ASB18: variants seen among roughly 807,000 people sequenced by gnomAD.
The protein encoded by ASB18 is ankyrin repeat and SOCS box containing 18, also known as ankyrin repeat and SOCS box protein 18.
A neutral mutation model predicts 33.4 loss-of-function variants in ASB18; 33 were observed. The ratio of observed to expected loss-of-function variants is 0.99; its 90% CI spans 0.75 to 1.32. The LOEUF (loss-of-function observed/expected upper bound fraction) is 1.32. ASB18 is among the 40% of genes most tolerant of loss of function. The pLI is 0.00. For synonymous variants in ASB18, 295 were observed against 307.6 expected, an observed-to-expected ratio of 0.96 and a Z score of 0.43; for missense variants, 694 against 655.5, an observed-to-expected ratio of 1.06 and a Z score of -0.64.
rs1460873813 is a variant in ASB18 at position 236,203,723 on chromosome 2, TG to T, written c.1102-7339del. Among the ~76,000 whole-genome samples, 1 of 152,084 alleles carries T rather than the reference TG, an allele frequency of 6.6e-6. No homozygotes were observed. The highest frequency in any genetic ancestry group is 1.5e-5 in the Non-Finnish European group (1 of 68,022). On this transcript the variant is annotated intron_variant, in intron 4 of 5. Transcript: ENST00000409749. This position sits in a 1 kb window ranked among gnomAD's most constrained non-coding sequence, Gnocchi z 6.0. ...TCTACAAAAAATACAAAAACTTAGC[TG>T]GGTGTGATGGTGTGCATCTGTAATC...
At chr2:236,199,326 C>T (rs952551648) in intron 4 of ASB18, among the ~76,000 whole-genome samples, 2 of 150,988 alleles carry the variant, frequency 1.3e-5, no homozygotes, top group Admixed American at 1.3e-4. Flanking sequence ...GCAGGAGAAT[C>T]GCTTGAACCC....
rs367633092 is a variant in ASB18, at chr2:236,251,471, A to G, written c.206-10069T>C. ...TGTTCAGACTGATTGTTTTTTATGA[A>G]TCTCACACAGGGAGCAAAATACTTC... On this transcript the variant is annotated intron_variant, in intron 1 of 5. Coordinates refer to ENST00000409749, the MANE Select transcript of ASB18 (RefSeq NM_212556.4). The surrounding 1 kb of genome is among the most constrained non-coding windows in gnomAD (Gnocchi z 5.3). 7.4e-4 allele frequency among the ~76,000 whole-genome samples: 112 copies of G among 152,280 alleles called. 1 individual carries two copies. The highest frequency in any genetic ancestry group is 3.4e-3 in the Middle Eastern group (1 of 294).
chr2:236,220,221 C>T lies in ASB18; in HGVS notation c.597-5355G>A, dbSNP rs1012681234. On this transcript the variant is annotated intron_variant, in intron 3 of 5. Transcript: ENST00000409749. This position sits in a 1 kb window ranked among gnomAD's most constrained non-coding sequence, Gnocchi z 5.1. ...CTCCCTGCACACCCTCCCATCCACCCTCCAGCACCTTCCCAAAGCACTGGC... is the reference window on the plus strand; with the variant it reads ...CTCCCTGCACACCCTCCCATCCACCTTCCAGCACCTTCCCAAAGCACTGGC... Among the ~76,000 whole-genome samples, 3 of 152,232 alleles carry T rather than the reference C, an allele frequency of 2.0e-5. No homozygotes were observed. Among genetic ancestry groups the T allele is most frequent in the Admixed American group, 6.5e-5 (1 of 15,290 alleles).
Position 236,237,672 on chromosome 2 carries a change from T to C in ASB18, c.596+17A>G. On this transcript the variant is annotated intron_variant, in intron 3 of 5. Coordinates refer to ENST00000409749, the MANE Select transcript of ASB18 (RefSeq NM_212556.4). The surrounding 1 kb of genome is among the most constrained non-coding windows in gnomAD (Gnocchi z 6.2). ...CGGGGCGGGGCGGACGCCGCGGGCC[T>C]GTCCCGAGGTCCTTACCCGAGCGAG... The C allele has an allele frequency of 7.1e-7, 1 of 1,409,094 alleles. No individual in the cohort carries two copies. The highest frequency in any genetic ancestry group is 1.5e-5 in the South Asian group (1 of 67,388). The allele number at this position is 1,409,094 out of a possible 1,614,324, so 87.3% of individuals were successfully genotyped here. A position where few individuals can be genotyped will look rare whatever the true frequency, so the allele number is the denominator to read the frequency against.
rs1397830217 is a variant in ASB18, at chr2:236,229,147, T to G, written c.596+8542A>C. ...TTAGTAGGCAGGGCCATTAAAACAC[T>G]TGTTATAACTATATTCCACCTGTTT... On this transcript the variant is annotated intron_variant, in intron 3 of 5. Transcript: ENST00000409749. The surrounding 1 kb of genome is among the most constrained non-coding windows in gnomAD (Gnocchi z 5.2). Among the ~76,000 whole-genome samples, 1 of 152,208 alleles carries G rather than the reference T, an allele frequency of 6.6e-6. No homozygotes were observed.
intron 4 of ASB18, among the ~76,000 whole-genome samples, chr2:236,202,814 T>TATATATATATATATATATACACACAC (rs1472095135): frequency 1.0e-4 from 13 of 126,578 alleles, no homozygotes; most frequent in South Asian, 2.8e-4. Context: ...TATATATATA[T>TATATATATATATATATATACACACAC]ACACACACCT....
At position 236,208,290 on chromosome 2, in the gene ASB18, AT is replaced by A. The variant is rs2106266195; in HGVS notation, c.1101+6071del. Among the ~76,000 whole-genome samples the A allele has an allele frequency of 6.6e-6, 1 of 151,856 alleles. No homozygotes were observed. The highest frequency in any genetic ancestry group is 6.6e-5 in the Admixed American group (1 of 15,254). On this transcript the variant is annotated intron_variant, in intron 4 of 5. Transcript: ENST00000409749. The surrounding 1 kb of genome is among the most constrained non-coding windows in gnomAD (Gnocchi z 7.7). ...CTCTCTGCGCCCCACACATGTTGAT[AT>A]TTCTGGCTCACACGAGCCCCACTAA...
rs1448433409 is a variant in ASB18, at chr2:236,219,151, C to T, written c.597-4285G>A. ...TTGGCCTCTCAAAGTGTTGAGATTACAGGCATGAGCCACCGTGCCCTGCCA... is the reference window on the plus strand; with the variant it reads ...TTGGCCTCTCAAAGTGTTGAGATTATAGGCATGAGCCACCGTGCCCTGCCA... On this transcript the variant is annotated intron_variant, in intron 3 of 5. Transcript: ENST00000409749. The surrounding 1 kb of genome is among the most constrained non-coding windows in gnomAD (Gnocchi z 6.4). Among the ~76,000 whole-genome samples, 3 of 152,146 alleles carry T rather than the reference C, an allele frequency of 2.0e-5. No homozygotes were observed. Among genetic ancestry groups the T allele is most frequent in the Non-Finnish European group, 2.9e-5 (2 of 68,034 alleles).
At position 236,214,841 on chromosome 2, in the gene ASB18, C is replaced by A. The variant is rs374319025; in HGVS notation, c.622G>T (p.Gly208Trp). The stretch of plus-strand genomic sequence containing the variant: ...CCGCCCACGCGCTGCACCGAGGCCC[C>A]GTGCTCCAGCAGCGCCTGCGCGCAC... ...LGCAQALLEH[G>W]ASVQRVGGTG... The change falls in exon 4 of 6, where the codon GGG (glycine) becomes TGG (tryptophan). Residue 208 changes from glycine to tryptophan, a missense_variant. Coordinates refer to ENST00000409749, the MANE Select transcript of ASB18 (RefSeq NM_212556.4). This position sits in a 1 kb window ranked among gnomAD's most constrained non-coding sequence, Gnocchi z 6.5. 98 of 1,212,868 alleles carry A rather than the reference C, an allele frequency of 8.1e-5. No individual in the cohort carries two copies. In the African/African-American group the frequency reaches 1.1e-3, roughly 14 times the overall value. The allele number at this position is 1,212,868 out of a possible 1,614,324, so 75.1% of individuals were successfully genotyped here.
rs1263783909 is a variant in ASB18, at chr2:236,248,932, A to G, written c.206-7530T>C. ...ATCTGTTGTCCTTGTGAATCGAATG[A>G]CTGAAACAGCTATTCACTACTATGG... On this transcript the variant is annotated intron_variant, in intron 1 of 5. Transcript: ENST00000409749. This position sits in a 1 kb window ranked among gnomAD's most constrained non-coding sequence, Gnocchi z 4.9. 6.6e-6 allele frequency: 1 copy of G among 152,214 alleles called. No homozygotes were observed. Among genetic ancestry groups the G allele is most frequent in the Non-Finnish European group, 1.5e-5 (1 of 68,052 alleles). 9.4% of individuals were successfully genotyped at this position (152,214 alleles called of 1,614,324 possible).
chr2:236,207,857 C>T (rs1435207002), intron 4 of ASB18, among the ~76,000 whole-genome samples: 3 of 150,660 alleles, frequency 2.0e-5, no homozygotes, highest in Non-Finnish European at 4.4e-5. Flanking sequence ...GCCTGACAGC[C>T]TGGAAACTTA....
At position 236,217,943 on chromosome 2, in the gene ASB18, T is replaced by A. The variant is rs1307099266; in HGVS notation, c.597-3077A>T. ...GACGTTAGAAATCAAGGGTTCCTTCTCGTTTTGCCACTGAGCCTGTGTGCA... is the reference window on the plus strand; with the variant it reads ...GACGTTAGAAATCAAGGGTTCCTTCACGTTTTGCCACTGAGCCTGTGTGCA... On this transcript the variant is annotated intron_variant, in intron 3 of 5. Coordinates refer to ENST00000409749, the MANE Select transcript of ASB18 (RefSeq NM_212556.4). The surrounding 1 kb of genome is among the most constrained non-coding windows in gnomAD (Gnocchi z 5.2). Among the ~76,000 whole-genome samples the A allele has an allele frequency of 1.3e-5, 2 of 152,258 alleles. No homozygotes were observed. The highest frequency in any genetic ancestry group is 2.9e-5 in the Non-Finnish European group (2 of 68,054).
Position 236,257,549 on chromosome 2 carries a change from C to T in ASB18, c.205+6592G>A, listed in dbSNP as rs545676952. 2.0e-5 allele frequency among the ~76,000 whole-genome samples: 3 copies of T among 152,072 alleles called. No individual in the cohort carries two copies. The highest frequency in any genetic ancestry group is 2.4e-5 in the African/African-American group (1 of 41,410). On this transcript the variant is annotated intron_variant, in intron 1 of 5. Transcript: ENST00000409749. This position sits in a 1 kb window ranked among gnomAD's most constrained non-coding sequence, Gnocchi z 5.5. Reference sequence around the variant, plus strand: ...GCACGTGTGCATGACTGTGTGTGTGCGTGTGTACATATGCATATGTATGCT... The same window carrying T: ...GCACGTGTGCATGACTGTGTGTGTGTGTGTGTACATATGCATATGTATGCT...
rs189593317 is a variant in ASB18, at chr2:236,221,644, G to T, written c.597-6778C>A. Among the ~76,000 whole-genome samples the T allele has an allele frequency of 2.0e-5, 3 of 152,236 alleles. No homozygotes were observed. The East Asian group carries it at 5.8e-4, about 29-fold the overall frequency. On this transcript the variant is annotated intron_variant, in intron 3 of 5. Coordinates refer to ENST00000409749, the MANE Select transcript of ASB18 (RefSeq NM_212556.4). This position sits in a 1 kb window ranked among gnomAD's most constrained non-coding sequence, Gnocchi z 5.6. ...ACCTCTTTCTTTTGTAAATTGCCCA[G>T]TCTCAGGTATGTCTTTATCAGAAGC...
In ASB18 at chr2:236,213,221, C is replaced by T. The variant is rs748207231; in HGVS notation, c.1101+1141G>A. On this transcript the variant is annotated intron_variant, in intron 4 of 5. Transcript: ENST00000409749. This position sits in a 1 kb window ranked among gnomAD's most constrained non-coding sequence, Gnocchi z 4.8. ...ACCCAAAGAGGGGGTGAGACAGCAT[C>T]GGGAAAGTGCCATCCTGTTTGTCAA... 5.5e-4 allele frequency among the ~76,000 whole-genome samples: 83 copies of T among 151,872 alleles called. 2 individuals carry two copies. Among genetic ancestry groups the T allele is most frequent in the South Asian group, 2.1e-4 (1 of 4,786 alleles).
Position 236,264,363 on chromosome 2 carries a change from A to G in ASB18, c.-18T>C. On this transcript the variant is annotated 5_prime_UTR_variant, in exon 1 of 6. Transcript: ENST00000409749. The surrounding 1 kb of genome is among the most constrained non-coding windows in gnomAD (Gnocchi z 5.1). ...TTGGACATTGTTACGTCGTTTCTGC[A>G]GTGACCAGCCCTTCTTTTCTTCCTC... 6.3e-7 allele frequency: 1 copy of G among 1,598,200 alleles called. No individual in the cohort carries two copies. Among genetic ancestry groups the G allele is most frequent in the South Asian group, 1.1e-5 (1 of 90,804 alleles).
In ASB18 at chr2:236,223,642, A is replaced by G. The variant is rs2060523145; in HGVS notation, c.597-8776T>C. Among the ~76,000 whole-genome samples the G allele has an allele frequency of 6.6e-6, 1 of 152,228 alleles. No homozygotes were observed. The highest frequency in any genetic ancestry group is 2.1e-4 in the South Asian group (1 of 4,830). On this transcript the variant is annotated intron_variant, in intron 3 of 5. Transcript: ENST00000409749. This position sits in a 1 kb window ranked among gnomAD's most constrained non-coding sequence, Gnocchi z 4.6. ...ATATACCTATGTAACCAATACCTCA[A>G]TGAAGACATAGAATATTTCCATTTT...
rs543479254 is a variant in ASB18 at position 236,259,665 on chromosome 2, C to T, written c.205+4476G>A. The stretch of plus-strand genomic sequence containing the variant: ...TGGGATGGGGATGCTGACTGTAGAG[C>T]GTGGGGGGCTCAGCCTCAGTGAGCC... On this transcript the variant is annotated intron_variant, in intron 1 of 5. Transcript: ENST00000409749. The surrounding 1 kb of genome is among the most constrained non-coding windows in gnomAD (Gnocchi z 4.4). 2.9e-5 allele frequency: 13 copies of T among 455,026 alleles called. No individual in the cohort carries two copies. Among genetic ancestry groups the T allele is most frequent in the Admixed American group, 1.2e-4 (5 of 42,032 alleles). 28.2% of individuals were successfully genotyped at this position (455,026 alleles called of 1,614,324 possible). A position where few individuals can be genotyped will look rare whatever the true frequency, so the allele number is the denominator to read the frequency against.
rs1040970208 is a variant in ASB18, at chr2:236,229,186, A to G, written c.596+8503T>C. ...TTCCACCTGTTTGAGAAGCTAGAGG[A>G]AAGACTGACCATGTTAAGTAAAATA... On this transcript the variant is annotated intron_variant, in intron 3 of 5. Coordinates refer to ENST00000409749, the MANE Select transcript of ASB18 (RefSeq NM_212556.4). The surrounding 1 kb of genome is among the most constrained non-coding windows in gnomAD (Gnocchi z 5.2). Among the ~76,000 whole-genome samples the G allele has an allele frequency of 2.8e-4, 43 of 152,374 alleles. No homozygotes were observed. The highest frequency in any genetic ancestry group is 1.0e-3 in the African/African-American group (42 of 41,592).
Sources: gnomAD v4.1 joint callset for allele counts (sites outside exome capture counted in the v4.1 genomes callset) on GRCh38, gnomAD v4.1.1 for gene constraint, Gnocchi (gnomAD v3.1) non-coding constraint, MANE v1.5 for transcripts, NCBI Gene and HGNC (gene_info 2026-07-23, HGNC 2026-07-21) for gene names.